The following IFT172 variants were observed in gnomAD, a reference collection of about 807,000 sequenced individuals.
IFT172 encodes the protein intraflagellar transport protein 172 homolog.
A neutral mutation model predicts 248.9 loss-of-function variants in IFT172; 164 were observed. The ratio of observed to expected loss-of-function variants is 0.66; its 90% CI spans 0.58 to 0.75. IFT172 has a LOEUF of 0.75. IFT172 is among the 30% of genes least tolerant of loss of function. The pLI is 0.00. For synonymous variants in IFT172, 729 were observed against 791.6 expected (o/e 0.92, Z 1.33); for missense variants, 1,950 against 2,192.4 (o/e 0.89, Z 2.21).
intron 35 of IFT172, 176 bp downstream of exon 35, chr2:27,453,208 C>G: frequency 1.1e-6 from 1 of 885,902 alleles, no homozygotes; most frequent in Non-Finnish European, 1.9e-6. Flanking sequence ...CTTATATCCA[C>G]TTTTATAGCC....
chr2:27,480,178 A>C, intron 8 of IFT172, 29 bp from the exon 9 acceptor site: 1 of 1,606,244 alleles, frequency 6.2e-7, no homozygotes. Context: ...CTTTTAGAAG[A>C]GATTGAGGCT....
In IFT172 at chr2:27,485,036, T is replaced by C. The variant is rs774211857; in HGVS notation, c.278A>G (p.Tyr93Cys). ...IGQTDNIIYV[Y>C]KIGEDWGDKK... is the part of the protein sequence containing the mutation. The stretch of plus-strand genomic sequence containing the variant: ...TCCTCACCAATCTTCTCCAATCTTG[T>C]AGACATAGATGATGTTGTCAGTCTG... The change falls in exon 3 of 48, where the codon TAC becomes TGC. Residue 93 changes from tyrosine to cysteine, a missense_variant. Physicochemically the swap from Tyr to Cys is radical, Grantham distance 194. Coordinates refer to ENST00000260570, the MANE Select transcript of IFT172 (RefSeq NM_015662.3). 2 of 1,582,542 alleles carry C rather than the reference T, an allele frequency of 1.3e-6. No individual in the cohort carries two copies. The highest frequency in any genetic ancestry group is 1.1e-5 in the South Asian group (1 of 90,370).
chr2:27,449,289 A>G lies in IFT172; in HGVS notation c.4311+5T>C, dbSNP rs756624999. On this transcript the variant is annotated splice_donor_5th_base_variant and intron_variant, in intron 39 of 47. Coordinates refer to ENST00000260570, the MANE Select transcript of IFT172 (RefSeq NM_015662.3). ...GAAAAACTGGGAATGGGAAGAGAGC[A>G]GTACCTGCTTGGTAGCTGTTTCAAT... 36 of 1,614,044 alleles carry G rather than the reference A, an allele frequency of 2.2e-5. No homozygotes were observed. Among genetic ancestry groups the G allele is most frequent in the Non-Finnish European group, 3.1e-5 (36 of 1,180,040 alleles).
At chr2:27,474,179 A>G (rs1395488502) in intron 14 of IFT172, among the ~76,000 whole-genome samples, 2 of 152,016 alleles carry the variant, frequency 1.3e-5, no homozygotes, top group Admixed American at 1.3e-4. Context: ...AGTTCTCACA[A>G]CTCATTTTTG....
intron 29 of IFT172, 63 bp downstream of exon 29, chr2:27,457,576 A>T: frequency 6.8e-7 from 1 of 1,461,588 alleles, no homozygotes; most frequent in South Asian, 1.1e-5. Context: ...CCCTTTCTGA[A>T]AAAAAGGAAA....
At chr2:27,471,941 G>A (rs1457391350) in intron 15 of IFT172, 4 of 456,040 alleles carry the variant, frequency 8.8e-6, no homozygotes, top group Admixed American at 7.7e-5. Flanking sequence ...GGGAGGCTGA[G>A]GCAGGAGAAT....
chr2:27,481,888 G>A (rs544809527), intron 7 of IFT172, among the ~76,000 whole-genome samples: 2 of 152,186 alleles, frequency 1.3e-5, no homozygotes, highest in South Asian at 2.1e-4. Flanking sequence ...CAGAAAAGGA[G>A]ATGTGCTACA....
At chr2:27,485,329 T>C in intron 2 of IFT172, 31 bp downstream of exon 2, 1 of 1,613,188 alleles carries the variant, frequency 6.2e-7, no homozygotes, top group Non-Finnish European at 8.5e-7. Flanking sequence ...ATCAATAGGT[T>C]AAATAAGGTA....
At chr2:27,485,730 C>T (rs1306888613) in intron 1 of IFT172, among the ~76,000 whole-genome samples, 1 of 152,206 alleles carries the variant, frequency 6.6e-6, no homozygotes, top group Non-Finnish European at 1.5e-5. Flanking sequence ...CACTAAGAGG[C>T]AGGGTGCTAA....
chr2:27,481,785 C>T (rs1451779033), intron 7 of IFT172, among the ~76,000 whole-genome samples: 1 of 151,650 alleles, frequency 6.6e-6, no homozygotes, highest in African/African-American at 2.4e-5. Context: ...GTGATCAGCC[C>T]GTCTCAGCCT....
intron 16 of IFT172, 42 bp downstream of exon 16, chr2:27,470,886 C>A: frequency 6.7e-7 from 1 of 1,494,294 alleles, no homozygotes. Flanking sequence ...TCTAATTAAT[C>A]AGCTCAATAC....
intron 14 of IFT172, among the ~76,000 whole-genome samples, chr2:27,475,822 G>A (rs903607143): frequency 1.3e-5 from 2 of 151,232 alleles, no homozygotes; most frequent in African/African-American, 4.9e-5. Flanking sequence ...CATAGAGATA[G>A]GGTCTCACCA....
Position 27,483,331 on chromosome 2 carries a change from G to A in IFT172, c.528C>T (p.Ile176=), listed in dbSNP as rs1471806262. ...GILSGHADGT[I]VRYFFDDEGS... ...CTTCATCATCAAAGAAATACCTAACGATGGTACCATCTGCATGACCAGAGA... is the reference window on the plus strand; with the variant it reads ...CTTCATCATCAAAGAAATACCTAACAATGGTACCATCTGCATGACCAGAGA... Residue 176 remains isoleucine (I), a synonymous_variant, in exon 7 of 48, where the codon ATC becomes ATT. Coordinates refer to ENST00000260570, the MANE Select transcript of IFT172 (RefSeq NM_015662.3). The A allele has an allele frequency of 8.7e-6, 14 of 1,607,662 alleles. No homozygotes were observed. Among genetic ancestry groups the A allele is most frequent in the African/African-American group, 1.3e-5 (1 of 74,736 alleles).
chr2:27,454,034 T>G lies in IFT172; in HGVS notation c.3659A>C (p.Glu1220Ala). The G allele has an allele frequency of 6.2e-7, 1 of 1,614,092 alleles. No individual in the cohort carries two copies. The part of the protein sequence containing the change: ...ALEEKDFQKA[E>A]GLLLRAQRPG... ...TCTCTGGGCCCGGAGCAGCAGCCCT[T>G]CTGCTTTCTGAAAGTCCTTCTCCTC... The change falls in exon 33 of 48, where the codon GAA (glutamate) becomes GCA (alanine). Residue 1220 changes from glutamate (E) to alanine (A), a missense_variant. Glu to Ala is a moderately radical substitution (Grantham distance 107). Transcript: ENST00000260570. The surrounding 1 kb of genome is among the most constrained non-coding windows in gnomAD (Gnocchi z 4.2).
intron 1 of IFT172, among the ~76,000 whole-genome samples, chr2:27,486,954 T>C (rs1668807645): frequency 6.6e-6 from 1 of 152,148 alleles, no homozygotes; most frequent in East Asian, 1.9e-4. Flanking sequence ...TCCTTCTTTT[T>C]TTTTTTTTGA....
intron 24 of IFT172, 57 bp downstream of exon 24, chr2:27,459,652 G>A (rs1666475527): frequency 4.4e-6 from 7 of 1,606,526 alleles, no homozygotes; most frequent in Admixed American, 3.3e-5. Context: ...GTCCTTACTT[G>A]CTCCACTGCC....
chr2:27,455,357 C>T (rs1474509003), intron 30 of IFT172: 2 of 310,094 alleles, frequency 6.4e-6, no homozygotes, highest in South Asian at 2.8e-5. Flanking sequence ...CACAGGCAGG[C>T]TAAACAAGTG....
Position 27,454,095 on chromosome 2 carries a change from C to T in IFT172, c.3598G>A (p.Ala1200Thr), listed in dbSNP as rs377521375. ...VAEAHDPDSV[A>T]EVLVGQARGA... ...CGGGCCTGTCCCACAAGCACCTCGG[C>T]GACACTGTCAGGGTCGTGAGCCTCA... The change falls in exon 33 of 48, where the codon GCC becomes ACC. Residue 1200 changes from alanine (A) to threonine (T), a missense_variant. Ala to Thr is a moderately conservative substitution (Grantham distance 58). Transcript: ENST00000260570. The surrounding 1 kb of genome is among the most constrained non-coding windows in gnomAD (Gnocchi z 4.2). 6.8e-6 allele frequency: 11 copies of T among 1,614,092 alleles called. No homozygotes were observed. The Middle Eastern group carries it at 6.6e-4, about 97-fold the overall frequency.
rs559391931 is a variant in IFT172, at chr2:27,485,253, T to G, written c.183+107A>C. On this transcript the variant is annotated intron_variant, in intron 2 of 47. Transcript: ENST00000260570. The stretch of plus-strand genomic sequence containing the variant: ...TTGAGGATTTATACTGAGAAAAAGG[T>G]GGGGTATGCCATTTCCTATGCTGAT... The G allele has an allele frequency of 5.8e-6, 9 of 1,542,070 alleles. No individual in the cohort carries two copies. The African/African-American group carries it at 1.1e-4, about 19-fold the overall frequency.
Sources: allele counts gnomAD v4.1 joint callset (sites outside exome capture counted in the v4.1 genomes callset), GRCh38; gene constraint gnomAD v4.1.1; non-coding constraint Gnocchi (gnomAD v3.1); transcripts MANE v1.5; gene names NCBI Gene and HGNC (gene_info 2026-07-23, HGNC 2026-07-21).